Variants in GASK1A observed in about 807,000 individuals in gnomAD.
GASK1A encodes Golgi-associated kinase 1A.
Under a neutral mutation model 41.2 loss-of-function variants are expected in GASK1A, and 40 were observed. The observed-to-expected ratio is 0.97, with a 90% CI of 0.75 to 1.27. The LOEUF (loss-of-function observed/expected upper bound fraction) is 1.27, where lower values mean the gene tolerates loss of function less well. GASK1A is among the 50% of genes most tolerant of loss of function. The pLI is 0.00. For missense variants in GASK1A, 678 were observed against 745.1 expected (o/e 0.91, Z 1.05); for synonymous variants, 316 against 307.1 (o/e 1.03, Z -0.30).
rs550842773 is a variant in GASK1A at position 43,032,873 on chromosome 3, C to T, written c.610C>T (p.Leu204=). Residue 204 remains leucine (L), a synonymous_variant, in exon 2 of 5, where the codon CTG becomes TTG. Coordinates refer to ENST00000430121, the MANE Select transcript of GASK1A (RefSeq NM_001129908.3). The part of the protein sequence containing the change: ...WPHTAEGRDL[L]GAENRALTGG... ...CCATACAGCAGAAGGCAGGGATCTG[C>T]TGGGAGCTGAGAACAGAGCCTTGAC... The T allele has an allele frequency of 1.8e-5, 28 of 1,550,202 alleles. No homozygotes were observed. In the African/African-American group the frequency reaches 3.4e-4, roughly 19 times the overall value.
intron 2 of GASK1A, among the ~76,000 whole-genome samples, chr3:43,045,647 A>G (rs539924255): frequency 1.4e-3 from 214 of 152,280 alleles, no homozygotes; most frequent in Non-Finnish European, 2.6e-3. Flanking sequence ...TGGGGTGCAT[A>G]TGAAAGCATG....
chr3:42,999,308 C>T (rs1035181538), intron 1 of GASK1A, among the ~76,000 whole-genome samples: 18 of 152,324 alleles, frequency 1.2e-4, no homozygotes, highest in South Asian at 8.3e-4. Context: ...ACATTCTGGA[C>T]GGAGCTGGTG....
At chr3:42,992,721 G>T (rs2089347662) in intron 1 of GASK1A, among the ~76,000 whole-genome samples, 1 of 152,178 alleles carries the variant, frequency 6.6e-6, no homozygotes, top group Non-Finnish European at 1.5e-5. Context: ...AAGAGTTGTT[G>T]ATCTGGGGTC....
At chr3:42,998,304 T>TG (rs2089387717) in intron 1 of GASK1A, among the ~76,000 whole-genome samples, 1 of 151,764 alleles carries the variant, frequency 6.6e-6, no homozygotes, top group Non-Finnish European at 1.5e-5. Flanking sequence ...GAAGAGGTGG[T>TG]GGGGGCAGGG....
rs1418332291 is a variant in GASK1A, at chr3:43,054,009, G to A, written c.1413+366G>A. 1.4e-5 allele frequency: 5 copies of A among 364,450 alleles called. No homozygotes were observed. The East Asian group carries it at 3.5e-4, about 26-fold the overall frequency. 22.6% of individuals were successfully genotyped at this position (364,450 alleles called of 1,614,324 possible). ...AGTAAATGAGGAATTGCAGTCTGGA[G>A]GGAAAGGAATCTTCAAGGCCATACG... On this transcript the variant is annotated intron_variant, in intron 3 of 4. Coordinates refer to ENST00000430121, the MANE Select transcript of GASK1A (RefSeq NM_001129908.3).
At chr3:43,029,283 G>T (rs911960598) in intron 1 of GASK1A, among the ~76,000 whole-genome samples, 1 of 152,138 alleles carries the variant, frequency 6.6e-6, no homozygotes, top group Non-Finnish European at 1.5e-5. Context: ...GTGTCTCCCG[G>T]TGGTGACTGG....
chr3:42,987,734 C>T (rs1005592994), intron 1 of GASK1A, among the ~76,000 whole-genome samples: 5 of 151,952 alleles, frequency 3.3e-5, no homozygotes, highest in Non-Finnish European at 7.4e-5. Context: ...TGTGGTGGCT[C>T]ACACCTGTAA....
chr3:42,991,158 C>T (rs2089338655), intron 1 of GASK1A, among the ~76,000 whole-genome samples: 2 of 151,974 alleles, frequency 1.3e-5, no homozygotes. Context: ...GTCTCCTTTT[C>T]CTTCTTTCTT....
chr3:42,999,496 G>T (rs913790036), intron 1 of GASK1A, among the ~76,000 whole-genome samples: 1 of 152,224 alleles, frequency 6.6e-6, no homozygotes, highest in African/African-American at 2.4e-5. Flanking sequence ...GGCTTCAGTG[G>T]CTGGCTCTCT....
intron 1 of GASK1A, among the ~76,000 whole-genome samples, chr3:42,985,684 A>G (rs538630834): frequency 2.6e-5 from 4 of 152,092 alleles, no homozygotes; most frequent in East Asian, 1.9e-4. Flanking sequence ...TCTGCTGAAG[A>G]TATAGAGAAA....
chr3:43,019,059 A>G (rs2089508480), intron 1 of GASK1A, among the ~76,000 whole-genome samples: 1 of 152,254 alleles, frequency 6.6e-6, no homozygotes, highest in Non-Finnish European at 1.5e-5. Flanking sequence ...GTATCTCATA[A>G]GACGGGCATG....
intron 2 of GASK1A, chr3:43,037,120 C>A: frequency 3.7e-6 from 3 of 807,684 alleles, no homozygotes; most frequent in Non-Finnish European, 6.0e-6. Flanking sequence ...GTCAGTACCT[C>A]AAACCAGGCA....
intron 1 of GASK1A, among the ~76,000 whole-genome samples, chr3:43,013,997 A>G (rs2089477160): frequency 6.7e-6 from 1 of 150,266 alleles, no homozygotes; most frequent in African/African-American, 2.5e-5. Flanking sequence ...AAGCCACAGA[A>G]TGGGGCTTTG....
At chr3:43,024,633 GC>G (rs1329153093) in intron 1 of GASK1A, among the ~76,000 whole-genome samples, 4 of 152,158 alleles carry the variant, frequency 2.6e-5, no homozygotes, top group African/African-American at 7.2e-5. Context: ...GATTGGAGGA[GC>G]CCTCTTCACC....
chr3:43,026,662 G>A (rs1321019755), intron 1 of GASK1A, among the ~76,000 whole-genome samples: 1 of 151,774 alleles, frequency 6.6e-6, no homozygotes, highest in African/African-American at 2.4e-5. Flanking sequence ...ATAAATATTA[G>A]GTAAAACACA....
intron 2 of GASK1A, among the ~76,000 whole-genome samples, chr3:43,034,670 G>A (rs1196515064): frequency 2.6e-5 from 4 of 152,126 alleles, no homozygotes; most frequent in Non-Finnish European, 5.9e-5. Context: ...GTGGTGTTTC[G>A]TCCACATGGG....
intron 1 of GASK1A, among the ~76,000 whole-genome samples, chr3:42,990,368 G>T (rs1344961530): frequency 1.3e-5 from 2 of 150,516 alleles, no homozygotes; most frequent in Admixed American, 6.6e-5. Flanking sequence ...AAAAAAAAGG[G>T]TCCCTATGCA....
chr3:43,045,583 TG>T (rs1188559763), intron 2 of GASK1A, among the ~76,000 whole-genome samples: 1 of 152,234 alleles, frequency 6.6e-6, no homozygotes, highest in African/African-American at 2.4e-5. Context: ...AGAAGTTTTC[TG>T]ATCTCTGCAC....
intron 1 of GASK1A, among the ~76,000 whole-genome samples, chr3:43,012,485 G>A (rs567329844): frequency 1.3e-5 from 2 of 151,756 alleles, no homozygotes; most frequent in Non-Finnish European, 2.9e-5. Flanking sequence ...GAAGTCACAT[G>A]AAAGGGGCTG....
Sources: gnomAD v4.1 joint callset for allele counts (sites outside exome capture counted in the v4.1 genomes callset) on GRCh38, gnomAD v4.1.1 for gene constraint, MANE v1.5 for transcripts, NCBI Gene and HGNC (gene_info 2026-07-23, HGNC 2026-07-21) for gene names.